The following CDYL variants were observed in gnomAD, a reference collection of about 807,000 sequenced individuals.
CDYL encodes chromodomain Y like, also known as chromodomain Y-like protein.
A neutral mutation model predicts 47.3 loss-of-function variants in CDYL; 8 were observed. That is an observed-to-expected ratio of 0.17 (90% CI 0.10 to 0.31). The LOEUF (loss-of-function observed/expected upper bound fraction) is 0.31. Ranked by LOEUF, CDYL falls within the 10% of genes least tolerant of loss-of-function variation. The pLI is 1.00. For synonymous variants in CDYL, 266 were observed against 265.0 expected (o/e 1.00, Z -0.04); for missense variants, 471 against 701.4 (o/e 0.67, Z 3.71).
intron 1 of CDYL, among the ~76,000 whole-genome samples, chr6:4,850,629 T>G (rs1034526861): frequency 6.6e-6 from 1 of 152,218 alleles, no homozygotes; most frequent in East Asian, 1.9e-4. Flanking sequence ...TATAATACAT[T>G]TTGTGATAAC....
chr6:4,869,644 A>G lies in CDYL; in HGVS notation c.25-22069A>G, dbSNP rs76237728. ...CTTATTGATTGCTGTAGGGATTATA[A>G]TATGCATTTTAATTTATCGCAGCCC... On this transcript the variant is annotated intron_variant, in intron 1 of 6. Coordinates refer to ENST00000397588, the MANE Select transcript of CDYL (RefSeq NM_004824.4). 7.4e-4 allele frequency among the ~76,000 whole-genome samples: 113 copies of G among 152,270 alleles called. 4 individuals carry two copies. The East Asian group carries it at 0.02, about 28-fold the overall frequency.
At chr6:4,715,636 C>G in intron 1 of CDYL, 1 of 1,131,364 alleles carries the variant, frequency 8.8e-7, no homozygotes, top group Non-Finnish European at 1.2e-6. Context: ...TGCTGGCTCA[C>G]TCTCAGATTC....
intron 2 of CDYL, chr6:4,724,769 G>C (rs116645786): frequency 1.3e-5 from 2 of 152,214 alleles, no homozygotes; most frequent in Non-Finnish European, 2.9e-5. Context: ...ACCTTCGGGT[G>C]AGTGCTACAA....
intron 5 of CDYL, 129 bp from the exon 6 acceptor site, chr6:4,952,137 G>A (rs1758723790): frequency 8.6e-6 from 9 of 1,051,592 alleles, no homozygotes; most frequent in Non-Finnish European, 1.2e-5. Context: ...GGCCCCTAGA[G>A]GATGTGCCCC....
chr6:4,767,927 C>T (rs935965393), intron 3 of CDYL, among the ~76,000 whole-genome samples: 51 of 150,624 alleles, frequency 3.4e-4, no homozygotes, highest in African/African-American at 1.3e-3. Flanking sequence ...CCTAACCACT[C>T]TCCTCCAACC....
At chr6:4,894,831 AGTC>A (rs1173406850) in intron 2 of CDYL, among the ~76,000 whole-genome samples, 6 of 132,950 alleles carry the variant, frequency 4.5e-5, no homozygotes, top group African/African-American at 9.2e-5. Flanking sequence ...TGTCCACAAA[AGTC>A]GTGTGTGTGT....
At chr6:4,838,896 A>G (rs1020051241) in intron 1 of CDYL, among the ~76,000 whole-genome samples, 5 of 152,156 alleles carry the variant, frequency 3.3e-5, no homozygotes, top group African/African-American at 4.8e-5. Flanking sequence ...CATGTTGGCC[A>G]GGCTGGTCTT....
rs1453164656 is a variant in CDYL, at chr6:4,733,448, G to A, written c.104-1314G>A. On this transcript the variant is annotated intron_variant, in intron 2 of 8. Transcript: ENST00000328908. ...AAAAAAAAAAAAAAGAAAAAAGTGAGTGGTTATGTGTTTTTAAAAAGACAG... is the reference window on the plus strand; with the variant it reads ...AAAAAAAAAAAAAAGAAAAAAGTGAATGGTTATGTGTTTTTAAAAAGACAG... Among the ~76,000 whole-genome samples, 5 of 151,764 alleles carry A rather than the reference G, an allele frequency of 3.3e-5. No homozygotes were observed. In the East Asian group the frequency reaches 9.7e-4, roughly 29 times the overall value.
chr6:4,874,427 C>A (rs577307145), intron 1 of CDYL, among the ~76,000 whole-genome samples: 1 of 152,264 alleles, frequency 6.6e-6, no homozygotes, highest in South Asian at 2.1e-4. Flanking sequence ...AACTGTTGCT[C>A]TGTGCTCCTC....
intron 1 of CDYL, among the ~76,000 whole-genome samples, chr6:4,820,527 G>A (rs1415792089): frequency 6.6e-6 from 1 of 152,110 alleles, no homozygotes; most frequent in African/African-American, 2.4e-5. Flanking sequence ...CCTGAGGTTT[G>A]GCTCTTGGAC....
At chr6:4,845,408 T>A (rs1378931795) in intron 1 of CDYL, among the ~76,000 whole-genome samples, 1 of 152,266 alleles carries the variant, frequency 6.6e-6, no homozygotes, top group African/African-American at 2.4e-5. Flanking sequence ...ACTGCCATGA[T>A]GAAGTATTCT....
intron 1 of CDYL, among the ~76,000 whole-genome samples, chr6:4,711,500 G>A (rs1757152015): frequency 6.6e-6 from 1 of 152,114 alleles, no homozygotes; most frequent in Admixed American, 6.6e-5. Flanking sequence ...AGGTCACTCA[G>A]CTGCTGTATT....
At chr6:4,846,321 T>G (rs1760656140) in intron 1 of CDYL, among the ~76,000 whole-genome samples, 1 of 152,214 alleles carries the variant, frequency 6.6e-6, no homozygotes, top group African/African-American at 2.4e-5. Flanking sequence ...ACTATTAACT[T>G]TCTTGAGAAA....
chr6:4,817,164 A>G (rs1303634107), intron 1 of CDYL, among the ~76,000 whole-genome samples: 1 of 152,094 alleles, frequency 6.6e-6, no homozygotes, highest in African/African-American at 2.4e-5. Context: ...GTTGTGTTGT[A>G]TGTGAAAGAG....
chr6:4,826,020 A>G (rs1043914530), intron 1 of CDYL, among the ~76,000 whole-genome samples: 1 of 152,210 alleles, frequency 6.6e-6, no homozygotes, highest in Non-Finnish European at 1.5e-5. Flanking sequence ...AGTGGTTTAA[A>G]TCTCAACTCT....
intron 3 of CDYL, among the ~76,000 whole-genome samples, chr6:4,739,220 A>G (rs1757754978): frequency 6.6e-6 from 1 of 150,626 alleles, no homozygotes; most frequent in Admixed American, 6.6e-5. Flanking sequence ...ATAAAATAAA[A>G]TAAAAACAAT....
At chr6:4,810,022 G>T (rs1759481039) in intron 1 of CDYL, among the ~76,000 whole-genome samples, 1 of 151,998 alleles carries the variant, frequency 6.6e-6, no homozygotes, top group Non-Finnish European at 1.5e-5. Context: ...TTAGTCCTTG[G>T]TGATATTTTG....
At chr6:4,852,583 T>TCTTC (rs1237020717) in intron 1 of CDYL, among the ~76,000 whole-genome samples, 11 of 126,028 alleles carry the variant, frequency 8.7e-5, no homozygotes, top group South Asian at 5.2e-4. Context: ...TTCCTTCCAA[T>TCTTC]CTTCCTTCCT....
chr6:4,729,373 C>T (rs752775025), intron 2 of CDYL, among the ~76,000 whole-genome samples: 11 of 152,216 alleles, frequency 7.2e-5, no homozygotes, highest in East Asian at 1.9e-4. Context: ...ATCAACAAGT[C>T]GACTGAGCAT....
Sources: gnomAD v4.1 joint callset for allele counts (sites outside exome capture counted in the v4.1 genomes callset) on GRCh38, gnomAD v4.1.1 for gene constraint, MANE v1.5 for transcripts, NCBI Gene and HGNC (gene_info 2026-07-23, HGNC 2026-07-21) for gene names.